ELAVL4: variants seen among roughly 807,000 people sequenced by gnomAD.
The protein encoded by ELAVL4 is ELAV like RNA binding protein 4, also known as ELAV-like protein 4.
ELAVL4 carries 1 observed loss-of-function variant against 35.6 expected under a neutral mutation model. The observed-to-expected ratio is 0.03, with a 90% CI of 0.01 to 0.13. ELAVL4 has a LOEUF of 0.13. ELAVL4 is among the 10% of genes least tolerant of loss of function. ELAVL4 has a pLI of 1.00. For missense variants in ELAVL4, 267 were observed against 464.9 expected (o/e 0.57, Z 3.91); for synonymous variants, 156 against 171.0 (o/e 0.91, Z 0.69).
At chr1:50,139,580 C>A (rs1226860418) in intron 1 of ELAVL4, among the ~76,000 whole-genome samples, 1 of 152,186 alleles carries the variant, frequency 6.6e-6, no homozygotes, top group Non-Finnish European at 1.5e-5. Flanking sequence ...ATACCCAGAT[C>A]TAGCCATAGT....
chr1:50,165,748 A>G (rs1677735636), intron 2 of ELAVL4, among the ~76,000 whole-genome samples: 2 of 48,660 alleles, frequency 4.1e-5, no homozygotes, highest in South Asian at 2.5e-3. Context: ...GTATATATAC[A>G]TATATGTGTA....
intron 1 of ELAVL4, 86 bp downstream of exon 1, chr1:50,109,284 C>T: frequency 2.1e-6 from 3 of 1,425,868 alleles, no homozygotes; most frequent in Non-Finnish European, 2.0e-6. Flanking sequence ...TATGCTTGCA[C>T]AAGAGTTTAG....
intron 1 of ELAVL4, among the ~76,000 whole-genome samples, chr1:50,087,695 T>A (rs1405497655): frequency 3.3e-5 from 5 of 152,112 alleles, no homozygotes; most frequent in Non-Finnish European, 7.4e-5. Context: ...AATGAGGTTA[T>A]AAGGGTAGGG....
chr1:50,172,429 G>A (rs1383297699), intron 2 of ELAVL4, among the ~76,000 whole-genome samples: 6 of 152,142 alleles, frequency 3.9e-5, no homozygotes, highest in African/African-American at 1.2e-4. Context: ...AGTTCAAATG[G>A]AGTAACTAGT....
intron 2 of ELAVL4, chr1:50,175,525 G>A (rs1337745252): frequency 2.6e-5 from 4 of 152,120 alleles, no homozygotes; most frequent in Non-Finnish European, 4.4e-5. Context: ...TACTAATCCT[G>A]GCTGGTGAAG....
At chr1:50,200,541 G>T (rs1238903939) in intron 6 of ELAVL4, among the ~76,000 whole-genome samples, 1 of 152,086 alleles carries the variant, frequency 6.6e-6, no homozygotes, top group Non-Finnish European at 1.5e-5. Flanking sequence ...TCAGGTTGGG[G>T]TGCGCTATGA....
rs548413754 is a variant in ELAVL4, at chr1:50,202,614, T to A, written c.*1436T>A. 3.9e-5 allele frequency: 6 copies of A among 152,102 alleles called. No homozygotes were observed. The highest frequency in any genetic ancestry group is 1.4e-4 in the African/African-American group (6 of 41,452). 9.4% of individuals were successfully genotyped at this position (152,102 alleles called of 1,614,324 possible). A position where few individuals can be genotyped will look rare whatever the true frequency, so the allele number is the denominator to read the frequency against. On this transcript the variant is annotated 3_prime_UTR_variant, in exon 7 of 7. Transcript: ENST00000371824. ...ACTACTTATTTGTTTACTTAAACTA[T>A]GGGAAGAAGCATATTATTGTGTCAT... is the stretch of plus-strand genomic sequence containing the variant.
intron 3 of ELAVL4, among the ~76,000 whole-genome samples, chr1:50,179,043 G>A (rs1313615130): frequency 4.6e-5 from 7 of 151,222 alleles, no homozygotes; most frequent in African/African-American, 1.2e-4. Context: ...GGTCTCAGAT[G>A]TACCCCCTAG....
chr1:50,069,927 G>T (rs1282350987), intron 1 of ELAVL4, among the ~76,000 whole-genome samples: 1 of 152,126 alleles, frequency 6.6e-6, no homozygotes, highest in Non-Finnish European at 1.5e-5. Flanking sequence ...CCTAAGTATT[G>T]TAAACATTTC....
At position 50,093,682 on chromosome 1, in the gene ELAVL4, T is replaced by C. The variant is rs558056401; in HGVS notation, c.18+45500T>C. ...ATGTAGAAAGCCCCATTACCAGACATTGGGAGCACTAATTCAACACTTACT... is the reference window on the plus strand; with the variant it reads ...ATGTAGAAAGCCCCATTACCAGACACTGGGAGCACTAATTCAACACTTACT... On this transcript the variant is annotated intron_variant, in intron 1 of 6. Transcript: ENST00000448907. Among the ~76,000 whole-genome samples, 141 of 152,292 alleles carry C rather than the reference T, an allele frequency of 9.3e-4. 3 individuals carry two copies. The South Asian group carries it at 0.029, about 31-fold the overall frequency.
intron 1 of ELAVL4, chr1:50,109,640 C>T: frequency 2.3e-6 from 1 of 430,678 alleles, no homozygotes; most frequent in Admixed American, 3.7e-5. Context: ...CCTCGAGAGG[C>T]AGCTCCTGGA....
At chr1:50,192,233 G>C (rs534418595) in intron 3 of ELAVL4, among the ~76,000 whole-genome samples, 1 of 152,154 alleles carries the variant, frequency 6.6e-6, no homozygotes, top group South Asian at 2.1e-4. Flanking sequence ...CCATCAGCAG[G>C]AGGAGGCCAG....
intron 1 of ELAVL4, among the ~76,000 whole-genome samples, chr1:50,112,581 A>G (rs1328217470): frequency 1.3e-5 from 2 of 152,164 alleles, no homozygotes; most frequent in East Asian, 1.9e-4. Context: ...TCATAGTAAC[A>G]TAACAGCTAA....
chr1:50,171,532 A>G (rs1536930), intron 2 of ELAVL4, among the ~76,000 whole-genome samples: 42,685 of 152,166 alleles, frequency 0.28, 6,022 homozygotes, highest in South Asian at 0.38. Flanking sequence ...GCCACTTAGC[A>G]CAGTGCCTGG....
chr1:50,058,852 C>G (rs1282409567), intron 1 of ELAVL4, among the ~76,000 whole-genome samples: 1 of 152,060 alleles, frequency 6.6e-6, no homozygotes, highest in Non-Finnish European at 1.5e-5. Flanking sequence ...AATCCATCCC[C>G]CTGAGCTTCC....
intron 1 of ELAVL4, among the ~76,000 whole-genome samples, chr1:50,052,481 A>G (rs774354665): frequency 1.8e-4 from 28 of 152,290 alleles, no homozygotes; most frequent in Non-Finnish European, 3.1e-4. Flanking sequence ...TAATCTTTCT[A>G]GTTTTATAGT....
chr1:50,113,220 C>CTT (rs560487194), intron 1 of ELAVL4, among the ~76,000 whole-genome samples: 1 of 144,392 alleles, frequency 6.9e-6, no homozygotes, highest in African/African-American at 2.5e-5. Flanking sequence ...CAGAGTAAGT[C>CTT]TTTTTTTTTT....
At chr1:50,116,179 C>G (rs536858294) in intron 1 of ELAVL4, among the ~76,000 whole-genome samples, 46 of 152,210 alleles carry the variant, frequency 3.0e-4, no homozygotes, top group African/African-American at 1.1e-3. Flanking sequence ...GTCTTTCAGT[C>G]AGCAGCCCAT....
At chr1:50,175,675 G>A (rs1679897133) in intron 2 of ELAVL4, 1 of 152,110 alleles carries the variant, frequency 6.6e-6, no homozygotes, top group African/African-American at 2.4e-5. Flanking sequence ...GATTCTCTTT[G>A]CTCCATCCTA....
Sources: allele counts gnomAD v4.1 joint callset (sites outside exome capture counted in the v4.1 genomes callset), GRCh38; gene constraint gnomAD v4.1.1; transcripts MANE v1.5; gene names NCBI Gene and HGNC (gene_info 2026-07-23, HGNC 2026-07-21).